RREB1: variants seen among roughly 807,000 people sequenced by gnomAD.
RREB1 encodes the protein ras-responsive element-binding protein 1.
A neutral mutation model predicts 117.8 loss-of-function variants in RREB1; 27 were observed. That is an observed-to-expected ratio of 0.23 (90% CI 0.17 to 0.32). RREB1 has a LOEUF of 0.32. Ranked by LOEUF, RREB1 falls within the 10% of genes least tolerant of loss-of-function variation. RREB1 has a pLI of 1.00. For synonymous variants in RREB1, 1,298 were observed against 1,026.7 expected, an observed-to-expected ratio of 1.26 and a Z score of -5.05; for missense variants, 2,577 against 2,378.2, an observed-to-expected ratio of 1.08 and a Z score of -1.74.
rs754044532 is a variant in RREB1, at chr6:7,120,813, A to ATT, written c.-285+12776_-285+12777dup. 2.3e-3 allele frequency among the ~76,000 whole-genome samples: 251 copies of ATT among 109,598 alleles called. 1 individual carries two copies. Among genetic ancestry groups the ATT allele is most frequent in the African/African-American group, 4.3e-3 (117 of 27,268 alleles). 71.9% of individuals were successfully genotyped at this position (109,598 alleles called of 152,430 possible). A position where few individuals can be genotyped will look rare whatever the true frequency, so the allele number is the denominator to read the frequency against. On this transcript the variant is annotated intron_variant, in intron 1 of 12. Transcript: ENST00000379938. ...AGGTGTGCGCCACCACGCTTGGCTA[A>ATT]TTTTTTTTTTTTTTTTTTTTTTTTG...
rs772528347 is a variant in RREB1, at chr6:7,229,957, G to A, written c.1858G>A (p.Glu620Lys). ...GGCCAAGATCAAGCAGGAGATCACA[G>A]AGGGGGAACTCAAGGCCTTCATGAC... Reference protein sequence around the residue: ...MEAKIKQEITEGELKAFMTAP... With the variant: ...MEAKIKQEITKGELKAFMTAP... Residue 620 changes from glutamate to lysine, a missense_variant, in exon 10 of 13, where the codon GAG becomes AAG. Physicochemically the swap from Glu to Lys is moderately conservative, Grantham distance 56. Coordinates refer to ENST00000379938, the MANE Select transcript of RREB1 (RefSeq NM_001003699.4). The surrounding 1 kb of genome is among the most constrained non-coding windows in gnomAD (Gnocchi z 4.5). 5.0e-6 allele frequency: 8 copies of A among 1,603,002 alleles called. No individual in the cohort carries two copies. Among genetic ancestry groups the A allele is most frequent in the Non-Finnish European group, 3.4e-6 (4 of 1,172,220 alleles).
At chr6:7,115,439 A>C (rs1361708710) in intron 1 of RREB1, among the ~76,000 whole-genome samples, 1 of 148,590 alleles carries the variant, frequency 6.7e-6, no homozygotes, top group Non-Finnish European at 1.5e-5. Context: ...ATCGAATTCC[A>C]GAAAAGGAAG....
At position 7,210,881 on chromosome 6, in the gene RREB1, T is replaced by G. The variant is rs754836077; in HGVS notation, c.503T>G (p.Leu168Trp). ...APPSPLKRRRLSSKRKLSHDA... is the reference protein window; with the variant it reads ...APPSPLKRRRWSSKRKLSHDA... ...CCATCTCCTCTGAAACGTAGGCGAT[T>G]GTCCTCCAAGAGGAAACTGAGTCAC... Residue 168 changes from leucine (L) to tryptophan (W), a missense_variant, in exon 7 of 13, where the codon TTG (leucine) becomes TGG (tryptophan). By Grantham distance (61) the Leu-to-Trp change is moderately conservative. Transcript: ENST00000379938. 6.2e-7 allele frequency: 1 copy of G among 1,614,064 alleles called. No homozygotes were observed. Among genetic ancestry groups the G allele is most frequent in the African/African-American group, 1.3e-5 (1 of 74,934 alleles).
At chr6:7,118,217 T>A (rs1173720685) in intron 1 of RREB1, among the ~76,000 whole-genome samples, 1 of 152,104 alleles carries the variant, frequency 6.6e-6, no homozygotes, top group Non-Finnish European at 1.5e-5. Context: ...ACATCTTGGA[T>A]TCAAGCGATT....
At chr6:7,129,735 C>G (rs1385459535) in intron 1 of RREB1, among the ~76,000 whole-genome samples, 1 of 152,210 alleles carries the variant, frequency 6.6e-6, no homozygotes, top group Non-Finnish European at 1.5e-5. Flanking sequence ...GGGTAACATC[C>G]TGTTGTCGGA....
Position 7,239,789 on chromosome 6 carries a change from G to C in RREB1, c.3809-649G>C, listed in dbSNP as rs574524690. 7.9e-5 allele frequency among the ~76,000 whole-genome samples: 12 copies of C among 152,370 alleles called. No homozygotes were observed. In the South Asian group the frequency reaches 2.3e-3, roughly 29 times the overall value. ...CCTTTAATGAGAAGATCTCCTGACT[G>C]TTGCCACCTAGGACCACAGTGAACT... On this transcript the variant is annotated intron_variant, in intron 10 of 12. Transcript: ENST00000379938.
chr6:7,205,619 G>T (rs570203484), intron 6 of RREB1, among the ~76,000 whole-genome samples: 102 of 152,286 alleles, frequency 6.7e-4, no homozygotes, highest in Non-Finnish European at 1.1e-3. Context: ...CCTAAGGAAG[G>T]TCCGCAGAAA....
Position 7,143,499 on chromosome 6 carries a change from C to T in RREB1, c.-284-33156C>T, listed in dbSNP as rs117535694. On this transcript the variant is annotated intron_variant, in intron 1 of 12. Coordinates refer to ENST00000379938, the MANE Select transcript of RREB1 (RefSeq NM_001003699.4). ...GGCTTTCCCCCGACACTGGCTCTTG[C>T]AGTATTATCTTAGGTAGAGGTGTTG... 7.4e-4 allele frequency among the ~76,000 whole-genome samples: 112 copies of T among 152,252 alleles called. 1 individual carries two copies. The East Asian group carries it at 0.015, about 20-fold the overall frequency.
At chr6:7,179,654 A>G (rs1764686479) in intron 2 of RREB1, among the ~76,000 whole-genome samples, 1 of 151,988 alleles carries the variant, frequency 6.6e-6, no homozygotes, top group Admixed American at 6.6e-5. Flanking sequence ...GGGACTGATG[A>G]CTCTCTTTTT....
chr6:7,249,289 G>T lies in RREB1; in HGVS notation c.*321G>T, dbSNP rs1260854518. 2 of 317,522 alleles carry T rather than the reference G, an allele frequency of 6.3e-6. No individual in the cohort carries two copies. The highest frequency in any genetic ancestry group is 1.2e-5 in the Non-Finnish European group (2 of 172,738). 19.7% of individuals were successfully genotyped at this position (317,522 alleles called of 1,614,324 possible). A position where few individuals can be genotyped will look rare whatever the true frequency, so the allele number is the denominator to read the frequency against. The stretch of plus-strand genomic sequence containing the variant: ...ATATTATAATGAATTGTCTGGAGAG[G>T]ACCTCTTCATTTGAGCATTAGCGTT... On this transcript the variant is annotated 3_prime_UTR_variant, in exon 13 of 13. Transcript: ENST00000379938.
chr6:7,112,781 G>A (rs1403819769), intron 1 of RREB1, among the ~76,000 whole-genome samples: 1 of 151,696 alleles, frequency 6.6e-6, no homozygotes, highest in Non-Finnish European at 1.5e-5. Flanking sequence ...TTCCTTTTTT[G>A]TTAGCAGTCC....
intron 1 of RREB1, among the ~76,000 whole-genome samples, chr6:7,148,700 ATGAT>A (rs1762984293): frequency 1.3e-5 from 2 of 152,312 alleles, no homozygotes; most frequent in South Asian, 4.1e-4. Flanking sequence ...ATACTTTAGA[ATGAT>A]TGACACCCAG....
intron 10 of RREB1, among the ~76,000 whole-genome samples, chr6:7,236,758 G>T (rs1480327259): frequency 4.0e-5 from 6 of 151,276 alleles, no homozygotes; most frequent in African/African-American, 1.5e-4. Context: ...TATCTTGGAG[G>T]CCAAGGCCCC....
chr6:7,120,006 G>A (rs747393224), intron 1 of RREB1, among the ~76,000 whole-genome samples: 5 of 152,100 alleles, frequency 3.3e-5, no homozygotes, highest in Non-Finnish European at 7.4e-5. Context: ...GGATGATGAT[G>A]CCTCTGACAG....
At chr6:7,140,737 C>G (rs1472021498) in intron 1 of RREB1, 4 of 152,340 alleles carry the variant, frequency 2.6e-5, no homozygotes, top group African/African-American at 9.6e-5. Context: ...TGGAAAGTTG[C>G]GAAGATAGAA....
chr6:7,228,934 T>C lies in RREB1; in HGVS notation c.898-63T>C. On this transcript the variant is annotated intron_variant, in intron 9 of 12. Coordinates refer to ENST00000379938, the MANE Select transcript of RREB1 (RefSeq NM_001003699.4). ...CAACAAATACTTTGTGCATCTCCGTTTAGTGATTATTTTTTCAATCTTCAC... is the reference window on the plus strand; with the variant it reads ...CAACAAATACTTTGTGCATCTCCGTCTAGTGATTATTTTTTCAATCTTCAC... 5 of 1,382,176 alleles carry C rather than the reference T, an allele frequency of 3.6e-6. No individual in the cohort carries two copies. The South Asian group carries it at 9.0e-5, about 25-fold the overall frequency. 85.6% of individuals were successfully genotyped at this position (1,382,176 alleles called of 1,614,324 possible).
At chr6:7,154,504 A>T (rs140826154) in intron 1 of RREB1, among the ~76,000 whole-genome samples, 1 of 152,376 alleles carries the variant, frequency 6.6e-6, no homozygotes, top group African/African-American at 2.4e-5. Flanking sequence ...GAGCATGTAT[A>T]TGATAATAAA....
chr6:7,144,069 CTT>C (rs11322929), intron 1 of RREB1, among the ~76,000 whole-genome samples: 26 of 148,682 alleles, frequency 1.7e-4, no homozygotes, highest in African/African-American at 6.4e-4. Context: ...GTTTTGCACA[CTT>C]TTTTTTTTAT....
At chr6:7,122,685 T>A (rs1167558575) in intron 1 of RREB1, among the ~76,000 whole-genome samples, 2 of 152,234 alleles carry the variant, frequency 1.3e-5, no homozygotes, top group Non-Finnish European at 2.9e-5. Flanking sequence ...AAGAAATCTT[T>A]GAAAACTGGA....
Sources: gnomAD v4.1 joint callset for allele counts (sites outside exome capture counted in the v4.1 genomes callset) on GRCh38, gnomAD v4.1.1 for gene constraint, Gnocchi (gnomAD v3.1) non-coding constraint, MANE v1.5 for transcripts, NCBI Gene and HGNC (gene_info 2026-07-23, HGNC 2026-07-21) for gene names.